Variants in GRAMD1B observed in about 807,000 individuals in gnomAD.
The protein encoded by GRAMD1B is GRAM domain containing 1B.
A neutral mutation model predicts 99.7 loss-of-function variants in GRAMD1B; 37 were observed. That is an observed-to-expected ratio of 0.37 (90% CI 0.29 to 0.49). GRAMD1B has a LOEUF of 0.49. Among genes scored for constraint, GRAMD1B ranks in the 20% least tolerant of loss-of-function variants. The pLI is 0.98. For missense variants in GRAMD1B, 888 were observed against 1,009.2 expected (o/e 0.88, Z 1.63); for synonymous variants, 427 against 387.6 (o/e 1.10, Z -1.19).
chr11:123,371,106 A>G (rs1213169868), intron 1 of GRAMD1B, among the ~76,000 whole-genome samples: 2 of 126,300 alleles, frequency 1.6e-5, no homozygotes. Flanking sequence ...CTGACACTGG[A>G]GAAAACGTGG....
chr11:123,464,461 G>A (rs899471323), intron 1 of GRAMD1B, among the ~76,000 whole-genome samples: 1 of 152,124 alleles, frequency 6.6e-6, no homozygotes, highest in Non-Finnish European at 1.5e-5. Context: ...GAGTATACAT[G>A]GCAGAAATTG....
At chr11:123,467,807 C>CTTTCTTTTCTTTTCT (rs201092180) in intron 1 of GRAMD1B, among the ~76,000 whole-genome samples, 1 of 146,592 alleles carries the variant, frequency 6.8e-6, no homozygotes, top group Non-Finnish European at 1.5e-5. Flanking sequence ...CCTTCTTTTT[C>CTTTCTTTTCTTTTCT]TTTCTTTTCT....
At chr11:123,562,340 C>T (rs766479231) in intron 2 of GRAMD1B, among the ~76,000 whole-genome samples, 8 of 152,170 alleles carry the variant, frequency 5.3e-5, no homozygotes, top group East Asian at 1.9e-4. Context: ...TCCCCTTGAC[C>T]TTTTCAAGGT....
intron 1 of GRAMD1B, among the ~76,000 whole-genome samples, chr11:123,462,849 C>G (rs149581903): frequency 0.074 from 10,480 of 142,498 alleles, 575 homozygotes; most frequent in Non-Finnish European, 0.11. Context: ...CCAAATCCCC[C>G]TCTGTGAGAA....
At position 123,591,304 on chromosome 11, in the gene GRAMD1B, G is replaced by A; in HGVS notation, c.685-2778G>A. On this transcript the variant is annotated intron_variant, in intron 4 of 19. Transcript: ENST00000635736. The surrounding 1 kb of genome is among the most constrained non-coding windows in gnomAD (Gnocchi z 4.7). ...AGGCCACCCATCCACAGTCAAGCCA[G>A]GGGAGACCAGTTGTTTTCATCGTGT... 5.0e-6 allele frequency: 2 copies of A among 397,792 alleles called. No individual in the cohort carries two copies. Among genetic ancestry groups the A allele is most frequent in the Non-Finnish European group, 8.9e-6 (2 of 225,784 alleles). 24.6% of individuals were successfully genotyped at this position (397,792 alleles called of 1,614,324 possible).
intron 1 of GRAMD1B, among the ~76,000 whole-genome samples, chr11:123,466,237 C>T (rs957692808): frequency 6.7e-6 from 1 of 149,956 alleles, no homozygotes; most frequent in African/African-American, 2.5e-5. Context: ...GATTACAGCA[C>T]TGCACTCCAG....
chr11:123,529,943 A>T (rs992361915), intron 2 of GRAMD1B, among the ~76,000 whole-genome samples: 4 of 152,140 alleles, frequency 2.6e-5, no homozygotes, highest in Non-Finnish European at 5.9e-5. Context: ...GGGCTGTGAC[A>T]GACCTTCAGG....
Position 123,480,826 on chromosome 11 carries a change from A to G in GRAMD1B, c.385A>G (p.Ser129Gly). Reference sequence around the variant, plus strand: ...TATGTCTTTCCTCAGCAGCCAACAGAGCAGTCAGCAGAGCAGCCACGATGA... The same window carrying G: ...TATGTCTTTCCTCAGCAGCCAACAGGGCAGTCAGCAGAGCAGCCACGATGA... ...KECSESSSQQ[S>G]SQQSSHDDDS... Residue 129 changes from serine (S) to glycine (G), a missense_variant, in exon 2 of 20, where the codon AGC becomes GGC. Physicochemically the swap from Ser to Gly is moderately conservative, Grantham distance 56. Transcript: ENST00000635736. 2.5e-6 allele frequency: 1 copy of G among 398,908 alleles called. No individual in the cohort carries two copies. Among genetic ancestry groups the G allele is most frequent in the Non-Finnish European group, 4.4e-6 (1 of 226,158 alleles). 24.7% of individuals were successfully genotyped at this position (398,908 alleles called of 1,614,324 possible). A position where few individuals can be genotyped will look rare whatever the true frequency, so the allele number is the denominator to read the frequency against.
intron 7 of GRAMD1B, 85 bp downstream of exon 7, chr11:123,596,122 T>C (rs1198619612): frequency 2.7e-6 from 2 of 747,802 alleles, no homozygotes; most frequent in East Asian, 5.5e-5. Flanking sequence ...ATCGCATGAA[T>C]GTGGAAGCCA....
chr11:123,543,702 T>C (rs1944769522), intron 2 of GRAMD1B, among the ~76,000 whole-genome samples: 1 of 152,208 alleles, frequency 6.6e-6, no homozygotes, highest in African/African-American at 2.4e-5. Context: ...GGTCAAGAAA[T>C]AGGCTTCTGC....
At chr11:123,602,871 A>G (rs755525697) in intron 8 of GRAMD1B, among the ~76,000 whole-genome samples, 21 of 152,346 alleles carry the variant, frequency 1.4e-4, no homozygotes, top group Middle Eastern at 6.8e-3. Flanking sequence ...GTGGGAACGT[A>G]AGACTCTACC....
At chr11:123,557,405 G>C (rs1414795064) in intron 2 of GRAMD1B, among the ~76,000 whole-genome samples, 3 of 152,164 alleles carry the variant, frequency 2.0e-5, no homozygotes, top group African/African-American at 7.2e-5. Flanking sequence ...GAAATACCAC[G>C]CACATACTTC....
chr11:123,421,638 T>A (rs1948439108), intron 1 of GRAMD1B, among the ~76,000 whole-genome samples: 1 of 152,226 alleles, frequency 6.6e-6, no homozygotes. Context: ...GTGATATTTT[T>A]ACTGCTTATA....
chr11:123,431,379 T>C (rs1281665043), intron 1 of GRAMD1B, among the ~76,000 whole-genome samples: 1 of 152,274 alleles, frequency 6.6e-6, no homozygotes, highest in Non-Finnish European at 1.5e-5. Flanking sequence ...AGGGGCTTCA[T>C]GTTGCACGAC....
At chr11:123,514,946 G>A (rs60750317) in intron 2 of GRAMD1B, among the ~76,000 whole-genome samples, 4,614 of 152,210 alleles carry the variant, frequency 0.03, 234 homozygotes, top group African/African-American at 0.11. Flanking sequence ...CATTTTACTT[G>A]GCAGGTGATA....
intron 2 of GRAMD1B, among the ~76,000 whole-genome samples, chr11:123,568,067 G>A (rs2136103847): frequency 6.6e-6 from 1 of 152,190 alleles, no homozygotes; most frequent in African/African-American, 2.4e-5. Context: ...TGTTTTGGAT[G>A]GGCTGTCCCA....
intron 7 of GRAMD1B, among the ~76,000 whole-genome samples, chr11:123,596,307 A>G (rs181699160): frequency 1.9e-4 from 29 of 152,274 alleles, no homozygotes; most frequent in African/African-American, 6.5e-4. Context: ...AATATCTCTA[A>G]GCCTAAGTTT....
chr11:123,586,057 A>C (rs1950037462), intron 4 of GRAMD1B, among the ~76,000 whole-genome samples: 1 of 151,792 alleles, frequency 6.6e-6, no homozygotes, highest in East Asian at 1.9e-4. Flanking sequence ...AACAGGCTTT[A>C]CTTCTCCCCT....
intron 1 of GRAMD1B, among the ~76,000 whole-genome samples, chr11:123,363,850 A>C (rs990642024): frequency 1.3e-5 from 2 of 152,140 alleles, no homozygotes; most frequent in East Asian, 3.8e-4. Context: ...ATGATATTTT[A>C]TTGGCTTAGA....
Sources: gnomAD v4.1 joint callset for allele counts (sites outside exome capture counted in the v4.1 genomes callset) on GRCh38, gnomAD v4.1.1 for gene constraint, Gnocchi (gnomAD v3.1) non-coding constraint, MANE v1.5 for transcripts, NCBI Gene and HGNC (gene_info 2026-07-23, HGNC 2026-07-21) for gene names.